CADM2: variants seen among roughly 807,000 people sequenced by gnomAD.
The protein encoded by CADM2 is cell adhesion molecule 2.
CADM2 carries 12 observed loss-of-function variants against 49.8 expected under a neutral mutation model. That is an observed-to-expected ratio of 0.24 (90% CI 0.15 to 0.39). The LOEUF (loss-of-function observed/expected upper bound fraction) is 0.39. Among genes scored for constraint, CADM2 ranks in the 10% least tolerant of loss-of-function variants. The pLI, the probability that CADM2 is intolerant of heterozygous loss-of-function variation, is 1.00. For synonymous variants in CADM2, 214 were observed against 175.4 expected, an observed-to-expected ratio of 1.22 and a Z score of -1.74; for missense variants, 378 against 492.3, an observed-to-expected ratio of 0.77 and a Z score of 2.20.
At position 85,396,639 on chromosome 3, in the gene CADM2, T is replaced by C. The variant is rs116549007; in HGVS notation, c.62-329883T>C. On this transcript the variant is annotated intron_variant, in intron 1 of 9. Coordinates refer to ENST00000383699, the MANE Select transcript of CADM2 (RefSeq NM_001167675.2). ...AGACTTTAAACATGTCTTTGATATT[T>C]AATGTTGAAAATAATAAGCCAATGG... is the stretch of plus-strand genomic sequence containing the variant. Among the ~76,000 whole-genome samples, 534 of 152,190 alleles carry C rather than the reference T, an allele frequency of 3.5e-3. 3 individuals carry two copies. The highest frequency in any genetic ancestry group is 0.012 in the African/African-American group (481 of 41,560).
intron 1 of CADM2, among the ~76,000 whole-genome samples, chr3:85,146,817 C>T (rs2039758028): frequency 6.6e-6 from 1 of 152,058 alleles, no homozygotes. Flanking sequence ...TATCGTGTGA[C>T]ATTTCAAACT....
intron 1 of CADM2, among the ~76,000 whole-genome samples, chr3:85,535,002 C>G (rs1188487646): frequency 4.1e-4 from 62 of 152,096 alleles, no homozygotes; most frequent in Non-Finnish European, 4.4e-5. Context: ...CAGTTTGGAA[C>G]TGGAAATATT....
chr3:85,463,551 A>T (rs1559852833), intron 1 of CADM2, among the ~76,000 whole-genome samples: 1 of 152,166 alleles, frequency 6.6e-6, no homozygotes, highest in East Asian at 1.9e-4. Flanking sequence ...TATATTTTTA[A>T]ATAAAAGGGA....
At chr3:85,553,022 T>C (rs1576787360) in intron 1 of CADM2, among the ~76,000 whole-genome samples, 1 of 152,100 alleles carries the variant, frequency 6.6e-6, no homozygotes, top group East Asian at 1.9e-4. Flanking sequence ...TGACTACATA[T>C]GTCTTGGTGT....
At chr3:85,372,582 C>T (rs1342525990) in intron 1 of CADM2, among the ~76,000 whole-genome samples, 40 of 152,034 alleles carry the variant, frequency 2.6e-4, no homozygotes, top group Non-Finnish European at 8.8e-5. Flanking sequence ...CTGTGTTATA[C>T]CCCTCTGGCC....
chr3:85,879,490 C>T (rs1712414594), intron 3 of CADM2, among the ~76,000 whole-genome samples: 1 of 151,986 alleles, frequency 6.6e-6, no homozygotes, highest in African/African-American at 2.4e-5. Flanking sequence ...TTCCCAAAGG[C>T]TATATATTTT....
chr3:85,459,782 G>A (rs2038158059), intron 1 of CADM2, among the ~76,000 whole-genome samples: 1 of 152,164 alleles, frequency 6.6e-6, no homozygotes, highest in South Asian at 2.1e-4. Flanking sequence ...TAAAAAGCAT[G>A]TTTGTTGGAA....
chr3:85,867,066 T>C (rs996547248), intron 3 of CADM2, among the ~76,000 whole-genome samples: 6 of 152,238 alleles, frequency 3.9e-5, no homozygotes, highest in African/African-American at 1.4e-4. Context: ...TACTATAAAT[T>C]CCCTTATTAT....
intron 8 of CADM2, among the ~76,000 whole-genome samples, chr3:85,971,258 T>C (rs1390238693): frequency 1.3e-5 from 2 of 151,614 alleles, no homozygotes; most frequent in East Asian, 3.9e-4. Flanking sequence ...CAAACGTTTT[T>C]TCATGTATCA....
At chr3:85,278,073 A>G (rs2043404777) in intron 1 of CADM2, among the ~76,000 whole-genome samples, 1 of 150,078 alleles carries the variant, frequency 6.7e-6, no homozygotes, top group Admixed American at 6.7e-5. Context: ...TCTCACAAAT[A>G]CCTTTTTTAT....
chr3:85,962,424 C>T (rs942080062), intron 8 of CADM2, among the ~76,000 whole-genome samples: 3 of 151,914 alleles, frequency 2.0e-5, no homozygotes, highest in Non-Finnish European at 4.4e-5. Flanking sequence ...ATCAATTTCA[C>T]TGAACAATAA....
At chr3:85,281,335 T>G (rs2043494352) in intron 1 of CADM2, among the ~76,000 whole-genome samples, 1 of 151,996 alleles carries the variant, frequency 6.6e-6, no homozygotes, top group Non-Finnish European at 1.5e-5. Context: ...GATATCCTAA[T>G]GTATATGTTA....
At chr3:85,970,709 G>A (rs1050220532) in intron 8 of CADM2, among the ~76,000 whole-genome samples, 1 of 151,474 alleles carries the variant, frequency 6.6e-6, no homozygotes, top group Admixed American at 6.6e-5. Flanking sequence ...ACTAAAATTA[G>A]TGCCGTGTGC....
chr3:85,395,173 C>G (rs906069009), intron 1 of CADM2, among the ~76,000 whole-genome samples: 5 of 151,134 alleles, frequency 3.3e-5, no homozygotes, highest in Non-Finnish European at 7.4e-5. Flanking sequence ...TGGTGCATAC[C>G]TGTGGGCCCA....
chr3:85,352,699 A>G (rs576650222), intron 1 of CADM2, among the ~76,000 whole-genome samples: 1 of 152,126 alleles, frequency 6.6e-6, no homozygotes, highest in Non-Finnish European at 1.5e-5. Flanking sequence ...GACCAAATAC[A>G]TGCCTTTTTG....
At chr3:85,528,153 C>T (rs1321463846) in intron 1 of CADM2, among the ~76,000 whole-genome samples, 1 of 152,178 alleles carries the variant, frequency 6.6e-6, no homozygotes, top group African/African-American at 2.4e-5. Flanking sequence ...GCTGCTTCTT[C>T]ATATTTCTCT....
intron 4 of CADM2, among the ~76,000 whole-genome samples, chr3:85,885,380 A>G (rs1713452229): frequency 7.1e-6 from 1 of 141,816 alleles, no homozygotes; most frequent in South Asian, 2.3e-4. Context: ...CTACTAAAAA[A>G]TACAAAATTA....
intron 8 of CADM2, among the ~76,000 whole-genome samples, chr3:86,001,230 G>T (rs1449987968): frequency 6.6e-6 from 1 of 152,120 alleles, no homozygotes; most frequent in Non-Finnish European, 1.5e-5. Context: ...AACATGTTGA[G>T]TTCGTTGGGT....
intron 1 of CADM2, among the ~76,000 whole-genome samples, chr3:85,065,301 A>G (rs1342165108): frequency 6.6e-6 from 1 of 152,122 alleles, no homozygotes; most frequent in Non-Finnish European, 1.5e-5. Context: ...ATTTTCTATT[A>G]TGAATCAGAC....
Sources: gnomAD v4.1 joint callset for allele counts (sites outside exome capture counted in the v4.1 genomes callset) on GRCh38, gnomAD v4.1.1 for gene constraint, MANE v1.5 for transcripts, NCBI Gene and HGNC (gene_info 2026-07-23, HGNC 2026-07-21) for gene names.